The following KIF5C variants were observed in gnomAD, a reference collection of about 807,000 sequenced individuals.
KIF5C encodes the protein kinesin heavy chain isoform 5C.
KIF5C carries 18 observed loss-of-function variants against 125.2 expected under a neutral mutation model. That is an observed-to-expected ratio of 0.14 (90% CI 0.10 to 0.21). KIF5C has a LOEUF of 0.21. KIF5C is among the 10% of genes least tolerant of loss of function. The pLI is 1.00. For missense variants in KIF5C, 780 were observed against 1,183.8 expected (o/e 0.66, Z 5.01); for synonymous variants, 405 against 434.0 (o/e 0.93, Z 0.83).
intron 10 of KIF5C, among the ~76,000 whole-genome samples, chr2:148,957,772 A>G (rs2105124780): frequency 6.6e-6 from 1 of 152,172 alleles, no homozygotes; most frequent in Non-Finnish European, 1.5e-5. Flanking sequence ...AAATACATAA[A>G]CTTAAGTGCA....
At chr2:148,990,949 G>C in intron 15 of KIF5C, 61 bp from the exon 16 acceptor site, 1 of 1,530,126 alleles carries the variant, frequency 6.5e-7, no homozygotes, top group Admixed American at 2.0e-5. Flanking sequence ...AGGTTTCCAG[G>C]GAGTCCGTGA....
At chr2:148,906,221 C>T (rs922267395) in intron 1 of KIF5C, among the ~76,000 whole-genome samples, 6 of 152,102 alleles carry the variant, frequency 3.9e-5, no homozygotes, top group Admixed American at 6.5e-5. Flanking sequence ...TTAGCCAATT[C>T]GTGATGTCTA....
Position 148,875,583 on chromosome 2 carries a change from CCCATCCCCGTG to C in KIF5C, c.-32_-22del. 3.2e-6 allele frequency: 3 copies of C among 930,564 alleles called. No individual in the cohort carries two copies. Among genetic ancestry groups the C allele is most frequent in the Admixed American group, 4.3e-5 (2 of 47,022 alleles). 57.6% of individuals were successfully genotyped at this position (930,564 alleles called of 1,614,324 possible). Reference sequence around the variant, plus strand: ...CGTCGTTCCCGGCCCCGGCCCCCCACCCATCCCCGTGCCCCCTCCCTACCGCCGGCCGAGAT... The same window carrying C: ...CGTCGTTCCCGGCCCCGGCCCCCCACCCCCCTCCCTACCGCCGGCCGAGAT... On this transcript the variant is annotated 5_prime_UTR_variant, in exon 1 of 26. Coordinates refer to ENST00000435030, the MANE Select transcript of KIF5C (RefSeq NM_004522.3).
chr2:148,897,734 C>T (rs1680726179), intron 1 of KIF5C, among the ~76,000 whole-genome samples: 1 of 151,636 alleles, frequency 6.6e-6, no homozygotes, highest in Non-Finnish European at 1.5e-5. Context: ...GCCTGGCTGA[C>T]ATGGTAAAAC....
chr2:148,969,847 C>T (rs1026764414), intron 11 of KIF5C, among the ~76,000 whole-genome samples: 5 of 152,084 alleles, frequency 3.3e-5, no homozygotes, highest in South Asian at 4.2e-4. Context: ...AATCCCCAGA[C>T]GTGTTTGTGA....
intron 2 of KIF5C, among the ~76,000 whole-genome samples, chr2:148,927,844 C>T (rs959888107): frequency 2.0e-5 from 3 of 151,926 alleles, no homozygotes; most frequent in Admixed American, 6.6e-5. Context: ...AGCCATTAGC[C>T]GAAATCTGAT....
intron 11 of KIF5C, among the ~76,000 whole-genome samples, chr2:148,965,351 A>G (rs1457115825): frequency 6.6e-6 from 1 of 152,138 alleles, no homozygotes; most frequent in African/African-American, 2.4e-5. Context: ...AGAGGCCCCC[A>G]GCAACCCCAT....
In KIF5C at chr2:148,929,276, C is replaced by T; in HGVS notation, c.218-5C>T. On this transcript the variant is annotated splice_region_variant and splice_polypyrimidine_tract_variant and intron_variant, in intron 2 of 25. Transcript: ENST00000435030. ...TTAATTTTAATTTCTTTTTCTTGTT[C>T]ACAGATGTCCTTGAAGGTTATAACG... 1 of 1,525,026 alleles carries T rather than the reference C, an allele frequency of 6.6e-7. No homozygotes were observed. The highest frequency in any genetic ancestry group is 8.8e-7 in the Non-Finnish European group (1 of 1,136,448). The allele number at this position is 1,525,026 out of a possible 1,614,324, so 94.5% of individuals were successfully genotyped here. A position where few individuals can be genotyped will look rare whatever the true frequency, so the allele number is the denominator to read the frequency against.
intron 25 of KIF5C, among the ~76,000 whole-genome samples, chr2:149,014,691 T>C (rs1363075115): frequency 2.0e-5 from 3 of 152,188 alleles, no homozygotes; most frequent in Non-Finnish European, 4.4e-5. Flanking sequence ...AATTGCTCAA[T>C]AAAAATGTTA....
intron 14 of KIF5C, among the ~76,000 whole-genome samples, chr2:148,983,185 A>G (rs1197404542): frequency 1.3e-5 from 2 of 152,110 alleles, no homozygotes; most frequent in African/African-American, 4.8e-5. Flanking sequence ...GTCTTTATCA[A>G]TTTAGGTGGG....
intron 25 of KIF5C, 94 bp downstream of exon 25, chr2:149,011,777 G>A (rs1230819673): frequency 8.6e-6 from 13 of 1,508,830 alleles, no homozygotes; most frequent in African/African-American, 1.4e-5. Flanking sequence ...TGAGTAGAGA[G>A]GAGTTCTGCT....
At chr2:148,963,995 G>A (rs1027137107) in intron 11 of KIF5C, among the ~76,000 whole-genome samples, 3 of 152,100 alleles carry the variant, frequency 2.0e-5, no homozygotes, top group Non-Finnish European at 4.4e-5. Context: ...AACACCTTGC[G>A]AATCTCCTTA....
chr2:148,900,652 C>T (rs940050279), intron 1 of KIF5C, among the ~76,000 whole-genome samples: 12 of 152,180 alleles, frequency 7.9e-5, no homozygotes, highest in African/African-American at 2.7e-4. Flanking sequence ...GGTCAGAGAT[C>T]GACACCTTTA....
rs945581483 is a variant in KIF5C, at chr2:149,023,769, G to A, written c.*699G>A. 6 of 152,128 alleles carry A rather than the reference G, an allele frequency of 3.9e-5. No homozygotes were observed. Among genetic ancestry groups the A allele is most frequent in the East Asian group, 1.9e-4 (1 of 5,190 alleles). 9.4% of individuals were successfully genotyped at this position (152,128 alleles called of 1,614,324 possible). On this transcript the variant is annotated 3_prime_UTR_variant, in exon 26 of 26. Coordinates refer to ENST00000435030, the MANE Select transcript of KIF5C (RefSeq NM_004522.3). ...GCAAAAAGTCATAAAATTCACCTCCGAGCTGCTTGCTTTTGAACCTGCAGC... is the reference window on the plus strand; with the variant it reads ...GCAAAAAGTCATAAAATTCACCTCCAAGCTGCTTGCTTTTGAACCTGCAGC...
intron 21 of KIF5C, among the ~76,000 whole-genome samples, chr2:149,001,341 G>A (rs1338687736): frequency 6.6e-6 from 1 of 152,158 alleles, no homozygotes; most frequent in African/African-American, 2.4e-5. Flanking sequence ...GATGTGTTGG[G>A]GAGAGCATTC....
chr2:148,967,029 G>A (rs920896526), intron 11 of KIF5C, among the ~76,000 whole-genome samples: 9 of 152,148 alleles, frequency 5.9e-5, no homozygotes, highest in African/African-American at 2.2e-4. Flanking sequence ...CAGAATGCAG[G>A]CCTAGCAGTT....
At chr2:148,929,118 GAAC>G (rs1297027811) in intron 2 of KIF5C, among the ~76,000 whole-genome samples, 160 bp from the exon 3 acceptor site, 1 of 152,174 alleles carries the variant, frequency 6.6e-6, no homozygotes, top group East Asian at 1.9e-4. Context: ...TCCATTTGTA[GAAC>G]AACAGAATTT....
intron 1 of KIF5C, among the ~76,000 whole-genome samples, chr2:148,899,702 C>CAAAAAAAAAAAAAAAAAAA (rs771196518): frequency 2.2e-5 from 1 of 46,072 alleles, no homozygotes. Flanking sequence ...AACTCCATCT[C>CAAAAAAAAAAAAAAAAAAA]AAAAAAAAAA....
chr2:149,003,300 C>T (rs1404752678), intron 21 of KIF5C, among the ~76,000 whole-genome samples: 2 of 152,200 alleles, frequency 1.3e-5, no homozygotes, highest in Non-Finnish European at 2.9e-5. Flanking sequence ...GTGAGGTGGG[C>T]GGAGCATGGA....
Sources: allele counts gnomAD v4.1 joint callset (sites outside exome capture counted in the v4.1 genomes callset), GRCh38; gene constraint gnomAD v4.1.1; transcripts MANE v1.5; gene names NCBI Gene and HGNC (gene_info 2026-07-23, HGNC 2026-07-21).